Variants in OMA1 observed in about 807,000 individuals in gnomAD.
OMA1 encodes metalloendopeptidase OMA1, mitochondrial.
Under a neutral mutation model 30.9 loss-of-function variants are expected in OMA1, and 38 were observed. The ratio of observed to expected loss-of-function variants is 1.23; its 90% CI spans 0.95 to 1.61. The LOEUF (loss-of-function observed/expected upper bound fraction) is 1.61. Ranked by LOEUF, OMA1 falls within the 40% of genes most tolerant of loss-of-function variation. OMA1 has a pLI of 0.00. For missense variants in OMA1, 461 were observed against 349.2 expected (o/e 1.32, Z -2.55); for synonymous variants, 173 against 121.9 (o/e 1.42, Z -2.76).
At chr1:58,532,468 A>G (rs1304180265) in intron 5 of OMA1, among the ~76,000 whole-genome samples, 1 of 152,220 alleles carries the variant, frequency 6.6e-6, no homozygotes, top group East Asian at 1.9e-4. Context: ...ATTAGAGTGC[A>G]TATAATAACA....
chr1:58,535,765 G>A (rs1168468552), intron 3 of OMA1, among the ~76,000 whole-genome samples: 1 of 152,030 alleles, frequency 6.6e-6, no homozygotes, highest in African/African-American at 2.4e-5. Context: ...GGTACAAAAT[G>A]TTTAACTACC....
At chr1:58,509,632 C>T (rs573599757) in intron 7 of OMA1, among the ~76,000 whole-genome samples, 1 of 134,132 alleles carries the variant, frequency 7.5e-6, no homozygotes, top group African/African-American at 2.7e-5. Flanking sequence ...CCAAAGTTTA[C>T]AGAAGGAGGG....
intron 6 of OMA1, 98 bp downstream of exon 6, chr1:58,530,503 T>C: frequency 1.4e-6 from 1 of 694,448 alleles, no homozygotes; most frequent in Admixed American, 2.4e-5. Flanking sequence ...TATTTCATAG[T>C]AAAATGTAAA....
chr1:58,536,480 G>A (rs1312358496), intron 3 of OMA1, 33 bp downstream of exon 3: 2 of 821,940 alleles, frequency 2.4e-6, no homozygotes, highest in African/African-American at 1.7e-5. Context: ...GTTATATTAA[G>A]CAGTCTAATT....
In OMA1 at chr1:58,490,795, C is replaced by CTTTT. The variant is rs148145860; in HGVS notation, c.1366-9625_1366-9622dup. 4.2e-3 allele frequency among the ~76,000 whole-genome samples: 251 copies of CTTTT among 59,272 alleles called. 27 individuals are homozygous for CTTTT. The highest frequency in any genetic ancestry group is 0.01 in the East Asian group (14 of 1,388). 38.9% of individuals were successfully genotyped at this position (59,272 alleles called of 152,430 possible). A position where few individuals can be genotyped will look rare whatever the true frequency, so the allele number is the denominator to read the frequency against. On this transcript the variant is annotated intron_variant, in intron 8 of 8. Coordinates refer to ENST00000371226, the MANE Select transcript of OMA1 (RefSeq NM_145243.5). The stretch of plus-strand genomic sequence containing the variant: ...AGAGTGGGGGCCAATAGTCAACATT[C>CTTTT]TTTTTTTTTTTTTTTTTTTTTTTTT...
At chr1:58,507,444 A>G (rs936994071) in intron 7 of OMA1, among the ~76,000 whole-genome samples, 3 of 152,122 alleles carry the variant, frequency 2.0e-5, no homozygotes, top group African/African-American at 7.2e-5. Flanking sequence ...TCCAAATGTT[A>G]GCAAAATAAA....
chr1:58,497,622 A>T (rs564882039), intron 8 of OMA1, among the ~76,000 whole-genome samples: 9 of 146,010 alleles, frequency 6.2e-5, no homozygotes, highest in South Asian at 4.3e-4. Flanking sequence ...CAGGAAGAAG[A>T]AGTTACCGTT....
In OMA1 at chr1:58,495,225, C is replaced by T. The variant is rs534599841; in HGVS notation, c.1365+10835G>A. ...ATAGGTGGGAACAGAACAATGAGAACACATGGACACAGGAAGGGGAACATC... is the reference window on the plus strand; with the variant it reads ...ATAGGTGGGAACAGAACAATGAGAATACATGGACACAGGAAGGGGAACATC... On this transcript the variant is annotated intron_variant, in intron 8 of 8. Coordinates refer to ENST00000371226, the MANE Select transcript of OMA1 (RefSeq NM_145243.5). 4.4e-4 allele frequency among the ~76,000 whole-genome samples: 67 copies of T among 152,120 alleles called. 1 individual carries two copies. The highest frequency in any genetic ancestry group is 6.8e-3 in the Middle Eastern group (2 of 294).
chr1:58,484,610 A>G (rs1645543636), intron 8 of OMA1, among the ~76,000 whole-genome samples: 1 of 152,246 alleles, frequency 6.6e-6, no homozygotes, highest in Non-Finnish European at 1.5e-5. Context: ...AGGAACAAAA[A>G]GCTGGCTTGG....
intron 8 of OMA1, among the ~76,000 whole-genome samples, chr1:58,499,491 TA>T (rs1313223085): frequency 1.3e-5 from 2 of 149,148 alleles, no homozygotes; most frequent in East Asian, 3.9e-4. Context: ...GATAGATAGA[TA>T]GATAGATAGA....
At chr1:58,513,313 C>G (rs1389510977) in intron 7 of OMA1, among the ~76,000 whole-genome samples, 1 of 152,182 alleles carries the variant, frequency 6.6e-6, no homozygotes, top group East Asian at 1.9e-4. Flanking sequence ...CCTCCCCAGC[C>G]ATGGAGAACT....
In OMA1 at chr1:58,533,983, A is replaced by G. The variant is rs145736065; in HGVS notation, c.981T>C (p.His327=). The change falls in exon 5 of 9, where the codon CAT becomes CAC. Residue 327 remains histidine (H), a synonymous_variant. Coordinates refer to ENST00000371226, the MANE Select transcript of OMA1 (RefSeq NM_145243.5). ...DIHQLSFLLG[H]EIAHAVLGHA... ...GCCCAAGTACTGCATGTGCTATTTC[A>G]TGGCCCAGAAGGAAAGAAAGTTGAT... 3.4e-6 allele frequency: 3 copies of G among 871,938 alleles called. No homozygotes were observed. In the African/African-American group the frequency reaches 4.9e-5, roughly 14 times the overall value. 54.0% of individuals were successfully genotyped at this position (871,938 alleles called of 1,614,324 possible). A position where few individuals can be genotyped will look rare whatever the true frequency, so the allele number is the denominator to read the frequency against.
At chr1:58,535,360 T>C (rs992577810) in intron 3 of OMA1, among the ~76,000 whole-genome samples, 1 of 152,150 alleles carries the variant, frequency 6.6e-6, no homozygotes, top group African/African-American at 2.4e-5. Flanking sequence ...CCCAGCACTT[T>C]AGGAGGTGGG....
chr1:58,539,430 C>T, intron 1 of OMA1, 120 bp from the exon 2 acceptor site: 1 of 617,442 alleles, frequency 1.6e-6, no homozygotes, highest in Non-Finnish European at 2.8e-6. Flanking sequence ...GCTAAATTAC[C>T]TTGGGTTTCA....
intron 1 of OMA1, among the ~76,000 whole-genome samples, chr1:58,541,858 A>G (rs963432622): frequency 3.3e-5 from 5 of 152,188 alleles, no homozygotes; most frequent in African/African-American, 1.2e-4. Flanking sequence ...TAAAGTCAAT[A>G]AACAAAATAT....
At chr1:58,488,959 T>A (rs1347467172) in intron 8 of OMA1, among the ~76,000 whole-genome samples, 12 of 152,228 alleles carry the variant, frequency 7.9e-5, no homozygotes, top group Admixed American at 7.9e-4. Flanking sequence ...AATATATTCC[T>A]GCTGGAGCCA....
intron 6 of OMA1, among the ~76,000 whole-genome samples, chr1:58,527,576 G>C (rs1489077243): frequency 6.6e-6 from 1 of 152,160 alleles, no homozygotes; most frequent in African/African-American, 2.4e-5. Flanking sequence ...TTGACAGTCT[G>C]TAGTATAAGG....
intron 1 of OMA1, among the ~76,000 whole-genome samples, 151 bp from the exon 2 acceptor site, chr1:58,539,461 C>T (rs1343041700): frequency 2.6e-5 from 4 of 152,156 alleles, no homozygotes; most frequent in East Asian, 1.9e-4. Flanking sequence ...CCTAGAGCAA[C>T]GCCTTTCAGC....
In OMA1 at chr1:58,536,512, C is replaced by A; in HGVS notation, c.729+1G>T. Reference sequence around the variant, plus strand: ...AATTAAAAACAACTCTTACTACTTACTGCTTCATATTCCAGTTCCGATAAA... The same window carrying A: ...AATTAAAAACAACTCTTACTACTTAATGCTTCATATTCCAGTTCCGATAAA... On this transcript the variant is annotated splice_donor_variant, in intron 3 of 8. Transcript: ENST00000371226. LOFTEE classifies it high-confidence loss of function. 1 of 870,140 alleles carries A rather than the reference C, an allele frequency of 1.1e-6. No homozygotes were observed. Among genetic ancestry groups the A allele is most frequent in the South Asian group, 1.3e-5 (1 of 76,312 alleles). 53.9% of individuals were successfully genotyped at this position (870,140 alleles called of 1,614,324 possible). A position where few individuals can be genotyped will look rare whatever the true frequency, so the allele number is the denominator to read the frequency against.
Sources: gnomAD v4.1 joint callset for allele counts (sites outside exome capture counted in the v4.1 genomes callset) on GRCh38, gnomAD v4.1.1 for gene constraint, MANE v1.5 for transcripts, NCBI Gene and HGNC (gene_info 2026-07-23, HGNC 2026-07-21) for gene names.